Variants in PADI2 observed in about 807,000 individuals in gnomAD.
The protein encoded by PADI2 is protein-arginine deiminase type-2.
A neutral mutation model predicts 81.1 loss-of-function variants in PADI2; 70 were observed. That is an observed-to-expected ratio of 0.86 (90% CI 0.71 to 1.05). The LOEUF is 1.05. Ranked by LOEUF, PADI2 falls within the 50% of genes least tolerant of loss-of-function variation. The probability of loss-of-function intolerance (pLI) is 0.00; values close to 1 mark genes in which losing one functional copy is unlikely to be tolerated. For synonymous variants in PADI2, 338 were observed against 358.0 expected (o/e 0.94, Z 0.63); for missense variants, 853 against 889.9 (o/e 0.96, Z 0.53).
chr1:17,076,492 T>C (rs941940920), intron 11 of PADI2, among the ~76,000 whole-genome samples: 2 of 152,156 alleles, frequency 1.3e-5, no homozygotes, highest in Non-Finnish European at 1.5e-5. Context: ...GGATTACAGG[T>C]GTGAGCCACT....
At chr1:17,094,374 C>T (rs1429936167) in intron 4 of PADI2, among the ~76,000 whole-genome samples, 4 of 152,200 alleles carry the variant, frequency 2.6e-5, no homozygotes, top group African/African-American at 9.7e-5. Context: ...TTTGCCTATG[C>T]CAGTCCCTCT....
intron 12 of PADI2, 95 bp downstream of exon 12, chr1:17,075,584 C>G: frequency 8.7e-7 from 1 of 1,143,112 alleles, no homozygotes; most frequent in Non-Finnish European, 1.2e-6. Context: ...TTTATGCTGT[C>G]GAGTTCCTCT....
Position 17,074,873 on chromosome 1 carries a change from T to A in PADI2, c.1532A>T (p.Glu511Val). Residue 511 changes from glutamate (E) to valine (V), a missense_variant, in exon 13 of 16, where the codon GAG (glutamate) becomes GTG (valine). Coordinates refer to ENST00000375486, the MANE Select transcript of PADI2 (RefSeq NM_007365.3). The part of the protein sequence containing the change: ...FREKQKDGHG[E>V]AIMFKGLGGM... ...CCACTCACCTTTGAACATGATGGCC[T>A]CTCCATGGCCGTCCTTCTGCTTCTC... is the stretch of plus-strand genomic sequence containing the variant. The A allele has an allele frequency of 6.2e-7, 1 of 1,611,440 alleles. No homozygotes were observed. Among genetic ancestry groups the A allele is most frequent in the Non-Finnish European group, 8.5e-7 (1 of 1,178,328 alleles).
At position 17,104,431 on chromosome 1, in the gene PADI2, C is replaced by CTTTTTTTTTTTTTT. The variant is rs1217484961; in HGVS notation, c.276+433_276+446dup. ...TTTCACCTGTTTCTTTTTGCCTTTTCTTTTTTTTTTTTTTTTTTTTTGAGA... is the reference window on the plus strand; with the variant it reads ...TTTCACCTGTTTCTTTTTGCCTTTTCTTTTTTTTTTTTTTTTTTTTTTTTTTTTTTTTTTTGAGA... On this transcript the variant is annotated intron_variant, in intron 2 of 15. Transcript: ENST00000375486. Among the ~76,000 whole-genome samples, 31 of 79,816 alleles carry CTTTTTTTTTTTTTT rather than the reference C, an allele frequency of 3.9e-4. 7 individuals carry two copies. Among genetic ancestry groups the CTTTTTTTTTTTTTT allele is most frequent in the African/African-American group, 8.4e-4 (17 of 20,238 alleles). The allele number at this position is 79,816 out of a possible 152,430, so 52.4% of individuals were successfully genotyped here. A position where few individuals can be genotyped will look rare whatever the true frequency, so the allele number is the denominator to read the frequency against.
intron 9 of PADI2, 134 bp from the exon 10 acceptor site, chr1:17,082,786 C>A (rs2078354391): frequency 8.3e-6 from 5 of 605,002 alleles, no homozygotes; most frequent in Admixed American, 6.0e-5. Context: ...GGTCCCCCAT[C>A]CTCCTCCCCT....
chr1:17,119,206 T>C lies in PADI2; in HGVS notation c.92+74A>G. On this transcript the variant is annotated intron_variant, in intron 1 of 15. Coordinates refer to ENST00000375486, the MANE Select transcript of PADI2 (RefSeq NM_007365.3). This position sits in a 1 kb window ranked among gnomAD's most constrained non-coding sequence, Gnocchi z 4.8. ...TCGGGCTGGACAAAGGCTGTCCACG[T>C]CCCCGAGTCTGAGCGCGTCTCAGGA... 1.9e-6 allele frequency: 2 copies of C among 1,075,012 alleles called. No homozygotes were observed. The highest frequency in any genetic ancestry group is 1.5e-5 in the South Asian group (1 of 68,106). The allele number at this position is 1,075,012 out of a possible 1,614,324, so 66.6% of individuals were successfully genotyped here.
chr1:17,075,246 G>A (rs902284809), intron 12 of PADI2: 8 of 335,790 alleles, frequency 2.4e-5, no homozygotes, highest in South Asian at 9.0e-5. Context: ...GTATGAAGTT[G>A]TACCCATAAG....
intron 1 of PADI2, among the ~76,000 whole-genome samples, chr1:17,117,095 A>G (rs554768051): frequency 6.6e-6 from 1 of 152,338 alleles, no homozygotes; most frequent in Non-Finnish European, 1.5e-5. Flanking sequence ...ACAAAGAAAT[A>G]TCGAGCCCAA....
intron 11 of PADI2, among the ~76,000 whole-genome samples, chr1:17,077,533 G>A (rs2078312874): frequency 6.6e-6 from 1 of 152,120 alleles, no homozygotes; most frequent in African/African-American, 2.4e-5. Context: ...TTTCATCAGG[G>A]TCTATTTGCA....
chr1:17,082,530 C>T lies in PADI2; in HGVS notation c.1158+15G>A, dbSNP rs759657702. The T allele has an allele frequency of 2.0e-6, 3 of 1,494,134 alleles. No homozygotes were observed. Among genetic ancestry groups the T allele is most frequent in the Non-Finnish European group, 2.8e-6 (3 of 1,070,632 alleles). The allele number at this position is 1,494,134 out of a possible 1,614,324, so 92.6% of individuals were successfully genotyped here. ...AGGATCATGCTCCACCCGCAAGTGG[C>T]CCTCAGCATCTTACCAGGAGCTCCT... On this transcript the variant is annotated intron_variant, in intron 10 of 15. Transcript: ENST00000375486.
At chr1:17,108,664 G>A (rs1931468805) in intron 1 of PADI2, among the ~76,000 whole-genome samples, 1 of 152,112 alleles carries the variant, frequency 6.6e-6, no homozygotes, top group African/African-American at 2.4e-5. Flanking sequence ...CACCCTGGAT[G>A]CTTTAGGTGG....
At chr1:17,088,060 G>A (rs1167816777) in intron 6 of PADI2, among the ~76,000 whole-genome samples, 2 of 152,100 alleles carry the variant, frequency 1.3e-5, no homozygotes, top group African/African-American at 4.8e-5. Context: ...CTCAGCTGAT[G>A]ATAAGATGGA....
Position 17,082,648 on chromosome 1 carries a change from T to G in PADI2, c.1055A>C (p.Glu352Ala), listed in dbSNP as rs1232035475. 6.3e-7 allele frequency: 1 copy of G among 1,596,810 alleles called. No individual in the cohort carries two copies. The highest frequency in any genetic ancestry group is 1.4e-5 in the African/African-American group (1 of 74,054). Residue 352 changes from glutamate to alanine, a missense_variant, in exon 10 of 16, where the codon GAA (glutamate) becomes GCA (alanine). Coordinates refer to ENST00000375486, the MANE Select transcript of PADI2 (RefSeq NM_007365.3). ...GGCCTCGATGTAGCCAAACTCAATT[T>G]CATCCTGCAGGGACACCAAGGAGAA... ...LNRGDRWIQD[E>A]IEFGYIEAPH...
rs1284871530 is a variant in PADI2, at chr1:17,115,340, C to G, written c.92+3940G>C. 6.6e-6 allele frequency among the ~76,000 whole-genome samples: 1 copy of G among 152,236 alleles called. No individual in the cohort carries two copies. On this transcript the variant is annotated intron_variant, in intron 1 of 15. Transcript: ENST00000375486. The surrounding 1 kb of genome is among the most constrained non-coding windows in gnomAD (Gnocchi z 4.1). The stretch of plus-strand genomic sequence containing the variant: ...TGGAACCTCTGCACAGGCAAAGGGA[C>G]AATGTTAAGATCATTCCAGTGTCCT...
Position 17,119,365 on chromosome 1 carries a change from G to T in PADI2, c.7C>A (p.Arg3Ser), listed in dbSNP as rs1357168541. Residue 3 changes from arginine to serine, a missense_variant, in exon 1 of 16, where the codon CGC becomes AGC. By Grantham distance (110) the Arg-to-Ser change is moderately radical. Coordinates refer to ENST00000375486, the MANE Select transcript of PADI2 (RefSeq NM_007365.3). The surrounding 1 kb of genome is among the most constrained non-coding windows in gnomAD (Gnocchi z 4.8). MLRERTVRLQYGS... is the reference protein window; with the variant it reads MLSERTVRLQYGS... ...TACTGCAGCCGCACGGTCCGCTCGC[G>T]CAGCATCCTCCCCGCCGCAGTGCCC... is the stretch of plus-strand genomic sequence containing the variant. The T allele has an allele frequency of 5.9e-6, 9 of 1,533,568 alleles. No individual in the cohort carries two copies. Among genetic ancestry groups the T allele is most frequent in the Admixed American group, 2.0e-5 (1 of 49,416 alleles). 95.0% of individuals were successfully genotyped at this position (1,533,568 alleles called of 1,614,324 possible). A position where few individuals can be genotyped will look rare whatever the true frequency, so the allele number is the denominator to read the frequency against.
chr1:17,069,871 G>A (rs2078252936), intron 15 of PADI2, among the ~76,000 whole-genome samples: 3 of 152,180 alleles, frequency 2.0e-5, no homozygotes, highest in Non-Finnish European at 4.4e-5. Flanking sequence ...AAGGAAAAGG[G>A]TTCCCAGTAT....
chr1:17,107,460 G>A (rs939506569), intron 1 of PADI2, among the ~76,000 whole-genome samples: 2 of 152,188 alleles, frequency 1.3e-5, no homozygotes, highest in Non-Finnish European at 2.9e-5. Context: ...TGGGGCGGCG[G>A]CACCTGGAGG....
chr1:17,072,335 C>T (rs2078269866), intron 13 of PADI2, among the ~76,000 whole-genome samples: 1 of 152,182 alleles, frequency 6.6e-6, no homozygotes, highest in African/African-American at 2.4e-5. Flanking sequence ...ATCTTTGAGG[C>T]TTAGGGACTC....
At chr1:17,076,897 C>G (rs2078307513) in intron 11 of PADI2, among the ~76,000 whole-genome samples, 1 of 152,076 alleles carries the variant, frequency 6.6e-6, no homozygotes, top group East Asian at 1.9e-4. Flanking sequence ...CATTTCTAGA[C>G]CCCCCAAGGT....
Sources: gnomAD v4.1 joint callset for allele counts (sites outside exome capture counted in the v4.1 genomes callset) on GRCh38, gnomAD v4.1.1 for gene constraint, Gnocchi (gnomAD v3.1) non-coding constraint, MANE v1.5 for transcripts, NCBI Gene and HGNC (gene_info 2026-07-23, HGNC 2026-07-21) for gene names.